The following LRBA variants were observed in gnomAD, a reference collection of about 807,000 sequenced individuals.
The protein encoded by LRBA is lipopolysaccharide-responsive and beige-like anchor protein.
In LRBA, 176 loss-of-function variants were observed where a neutral mutation model predicts 330.0. The ratio of observed to expected loss-of-function variants is 0.53; its 90% CI spans 0.47 to 0.60. The LOEUF (loss-of-function observed/expected upper bound fraction) is 0.60. Ranked by LOEUF, LRBA falls within the 20% of genes least tolerant of loss-of-function variation. LRBA has a pLI of 0.00. For synonymous variants in LRBA, 1,230 were observed against 1,193.0 expected, an observed-to-expected ratio of 1.03 and a Z score of -0.64; for missense variants, 3,259 against 3,444.8, an observed-to-expected ratio of 0.95 and a Z score of 1.35.
chr4:150,489,592 TATAAGAATATATAATATATAATA>T (rs1758602783), intron 41 of LRBA, among the ~76,000 whole-genome samples: 2 of 81,768 alleles, frequency 2.4e-5, no homozygotes, highest in African/African-American at 9.1e-5. Context: ...TAATATATTA[TATAAGAATATATAATATATAATA>T]TATAAGAATA....
intron 47 of LRBA, among the ~76,000 whole-genome samples, chr4:150,400,117 A>G (rs1257979063): frequency 6.6e-6 from 1 of 152,212 alleles, no homozygotes; most frequent in Non-Finnish European, 1.5e-5. Context: ...TTACTGGACT[A>G]TAGTTTTCAA....
At chr4:150,562,770 ATT>A (rs1306954123) in intron 40 of LRBA, among the ~76,000 whole-genome samples, 3 of 151,904 alleles carry the variant, frequency 2.0e-5, no homozygotes, top group Non-Finnish European at 4.4e-5. Flanking sequence ...ACTCATTTTC[ATT>A]TCTCTCATGC....
chr4:150,973,691 G>A (rs1011637601), intron 2 of LRBA, among the ~76,000 whole-genome samples: 2 of 152,116 alleles, frequency 1.3e-5, no homozygotes, highest in African/African-American at 4.8e-5. Flanking sequence ...TATTGATTCT[G>A]TTTAAAGAAA....
In LRBA at chr4:150,757,614, T is replaced by C. The variant is rs144099972; in HGVS notation, c.5645+4169A>G. Among the ~76,000 whole-genome samples the C allele has an allele frequency of 7.8e-3, 1,184 of 152,282 alleles. 12 individuals are homozygous for C. The highest frequency in any genetic ancestry group is 0.027 in the African/African-American group (1,127 of 41,552). On this transcript the variant is annotated intron_variant, in intron 35 of 56. Transcript: ENST00000651943. ...TTCCTGCCCCTGGGATTAAGTCTAG[T>C]AGTCAAACACTCCAAACTATTTCAC...
At chr4:150,666,788 G>T (rs890998276) in intron 37 of LRBA, among the ~76,000 whole-genome samples, 2 of 152,020 alleles carry the variant, frequency 1.3e-5, no homozygotes, top group African/African-American at 4.8e-5. Flanking sequence ...TATGTCAATT[G>T]TACCACAAAA....
chr4:150,733,090 C>T (rs977030537), intron 36 of LRBA, among the ~76,000 whole-genome samples: 3 of 151,960 alleles, frequency 2.0e-5, no homozygotes, highest in African/African-American at 7.2e-5. Context: ...GTCAAATCAA[C>T]TCTACTGTTA....
intron 33 of LRBA, among the ~76,000 whole-genome samples, chr4:150,804,158 C>T (rs1253707651): frequency 1.3e-5 from 2 of 152,092 alleles, no homozygotes; most frequent in East Asian, 3.8e-4. Flanking sequence ...AATTATATTA[C>T]TTCATAAGTA....
chr4:150,893,052 C>T lies in LRBA; in HGVS notation c.2165G>A (p.Arg722His), dbSNP rs777764576. ...IPAFDQRNGL[R>H]VIYKLLASKS... Reference sequence around the variant, plus strand: ...TATGAAATAGATTAAAAACTCTTACCGTAACCCATTCCTTTGGTCAAAAGC... The same window carrying T: ...TATGAAATAGATTAAAAACTCTTACTGTAACCCATTCCTTTGGTCAAAAGC... The change falls in exon 17 of 57, where the codon CGT (arginine) becomes CAT (histidine). Residue 722 changes from arginine (R) to histidine (H), a missense_variant and splice_region_variant. By Grantham distance (29) the Arg-to-His change is conservative. Transcript: ENST00000651943. 4 of 1,592,534 alleles carry T rather than the reference C, an allele frequency of 2.5e-6. No individual in the cohort carries two copies. The highest frequency in any genetic ancestry group is 3.4e-6 in the Non-Finnish European group (4 of 1,165,254).
rs373694484 is a variant in LRBA at position 150,895,853 on chromosome 4, C to T, written c.2067+541G>A. Among the ~76,000 whole-genome samples, 56 of 152,234 alleles carry T rather than the reference C, an allele frequency of 3.7e-4. 1 individual carries two copies. The South Asian group carries it at 5.0e-3, about 14-fold the overall frequency. On this transcript the variant is annotated intron_variant, in intron 16 of 56. Transcript: ENST00000651943. The stretch of plus-strand genomic sequence containing the variant: ...TTCTAGTTCTAGATCCCTGAGGAAT[C>T]GCCACACCGACTTCCACAATGGTTG...
chr4:150,687,027 A>T (rs1783685243), intron 36 of LRBA, among the ~76,000 whole-genome samples: 1 of 152,122 alleles, frequency 6.6e-6, no homozygotes, highest in Non-Finnish European at 1.5e-5. Context: ...TATAAATCAC[A>T]TTAAAGGGCT....
intron 17 of LRBA, among the ~76,000 whole-genome samples, chr4:150,889,122 C>T (rs1417601287): frequency 2.0e-5 from 3 of 152,100 alleles, no homozygotes; most frequent in Non-Finnish European, 4.4e-5. Context: ...TTATTAAGGC[C>T]TTCAACTGAT....
chr4:150,715,944 G>C (rs780689951), intron 36 of LRBA, among the ~76,000 whole-genome samples: 1 of 152,150 alleles, frequency 6.6e-6, no homozygotes, highest in Non-Finnish European at 1.5e-5. Flanking sequence ...ACATTGCTCT[G>C]AAGACCATCC....
At chr4:150,453,784 T>A (rs1753682308) in intron 44 of LRBA, among the ~76,000 whole-genome samples, 1 of 152,136 alleles carries the variant, frequency 6.6e-6, no homozygotes, top group Non-Finnish European at 1.5e-5. Flanking sequence ...CACATCTTCA[T>A]CTTCCTTTCT....
In LRBA at chr4:150,268,130, A is replaced by G. The variant is rs537265923; in HGVS notation, c.8469-2318T>C. 3.3e-5 allele frequency among the ~76,000 whole-genome samples: 5 copies of G among 152,320 alleles called. No individual in the cohort carries two copies. In the East Asian group the frequency reaches 5.8e-4, roughly 18 times the overall value. ...AGTTGGGACATTACTGATTTGGCAG[A>G]AACTGAGTTCAGAGAGACTATTAGA... On this transcript the variant is annotated intron_variant, in intron 56 of 56. Coordinates refer to ENST00000651943, the MANE Select transcript of LRBA (RefSeq NM_001364905.1).
At chr4:150,896,971 T>TTA (rs1284526512) in intron 15 of LRBA, among the ~76,000 whole-genome samples, 2 of 150,046 alleles carry the variant, frequency 1.3e-5, no homozygotes, top group South Asian at 4.2e-4. Flanking sequence ...ATCAGTATAT[T>TTA]AATCACTAAA....
intron 44 of LRBA, among the ~76,000 whole-genome samples, chr4:150,453,889 G>T (rs749590913): frequency 1.3e-5 from 2 of 152,054 alleles, no homozygotes; most frequent in Non-Finnish European, 2.9e-5. Context: ...AACCCTAAAT[G>T]TAAGAATTCA....
chr4:150,480,868 T>C (rs1334673947), intron 42 of LRBA, among the ~76,000 whole-genome samples: 2 of 152,150 alleles, frequency 1.3e-5, no homozygotes, highest in Non-Finnish European at 2.9e-5. Flanking sequence ...TCCTAGCTAT[T>C]TGAAACTGTA....
At chr4:150,816,948 G>T (rs1399241126) in intron 31 of LRBA, among the ~76,000 whole-genome samples, 176 bp downstream of exon 31, 1 of 151,940 alleles carries the variant, frequency 6.6e-6, no homozygotes, top group Non-Finnish European at 1.5e-5. Context: ...TGAAATCCTT[G>T]ACTTAATTTC....
intron 47 of LRBA, among the ~76,000 whole-genome samples, chr4:150,415,197 T>C (rs933629271): frequency 2.0e-5 from 3 of 152,246 alleles, no homozygotes; most frequent in Non-Finnish European, 4.4e-5. Flanking sequence ...AAATTTTGAA[T>C]CATCATGTAT....
Sources: allele counts gnomAD v4.1 joint callset (sites outside exome capture counted in the v4.1 genomes callset), GRCh38; gene constraint gnomAD v4.1.1; transcripts MANE v1.5; gene names NCBI Gene and HGNC (gene_info 2026-07-23, HGNC 2026-07-21).